The following SOX6 variants were observed in gnomAD, a reference collection of about 807,000 sequenced individuals.
The protein encoded by SOX6 is transcription factor SOX-6.
SOX6 carries 11 observed loss-of-function variants against 97.8 expected under a neutral mutation model. The observed-to-expected ratio is 0.11, with a 90% CI of 0.07 to 0.19. The LOEUF (loss-of-function observed/expected upper bound fraction) is 0.19. Among genes scored for constraint, SOX6 ranks in the 10% least tolerant of loss-of-function variants. The pLI, the probability that SOX6 is intolerant of heterozygous loss-of-function variation, is 1.00. For synonymous variants in SOX6, 360 were observed against 371.4 expected (o/e 0.97, Z 0.35); for missense variants, 810 against 1,039.5 (o/e 0.78, Z 3.04).
At chr11:16,168,794 T>C (rs1272245070) in intron 6 of SOX6, among the ~76,000 whole-genome samples, 4 of 152,310 alleles carry the variant, frequency 2.6e-5, no homozygotes, top group East Asian at 3.9e-4. Flanking sequence ...GTGGAAATTA[T>C]GGTTTTTTTG....
chr11:16,624,086 C>T (rs1427745271), intron 3 of SOX6, among the ~76,000 whole-genome samples: 1 of 152,122 alleles, frequency 6.6e-6, no homozygotes, highest in Non-Finnish European at 1.5e-5. Context: ...CATATAAATT[C>T]ATTATGTACT....
intron 12 of SOX6, among the ~76,000 whole-genome samples, chr11:16,042,165 A>G (rs1855687321): frequency 6.6e-6 from 1 of 152,172 alleles, no homozygotes; most frequent in Non-Finnish European, 1.5e-5. Flanking sequence ...ACACAGTTAG[A>G]AAATAGCACA....
At chr11:16,067,432 G>A (rs2935046) in intron 9 of SOX6, among the ~76,000 whole-genome samples, 19,240 of 151,854 alleles carry the variant, frequency 0.13, 2,664 homozygotes, top group East Asian at 0.37. Flanking sequence ...TATAAAGAGC[G>A]GTTCCCCTGC....
At chr11:16,002,663 A>C (rs1275163564) in intron 13 of SOX6, among the ~76,000 whole-genome samples, 1 of 152,192 alleles carries the variant, frequency 6.6e-6, no homozygotes, top group Non-Finnish European at 1.5e-5. Context: ...AAATAAGGCA[A>C]TAACAAGTTC....
chr11:16,711,616 C>T (rs1848181474), intron 3 of SOX6, among the ~76,000 whole-genome samples: 2 of 152,202 alleles, frequency 1.3e-5, no homozygotes, highest in Non-Finnish European at 2.9e-5. Context: ...TCTAAAAGCT[C>T]TGCCTATCTT....
At chr11:16,262,175 A>G (rs919784295) in intron 3 of SOX6, among the ~76,000 whole-genome samples, 1 of 152,076 alleles carries the variant, frequency 6.6e-6, no homozygotes, top group African/African-American at 2.4e-5. Flanking sequence ...TTATACATCT[A>G]TGAGTTTTGG....
chr11:16,160,707 A>G (rs1850725807), intron 6 of SOX6, among the ~76,000 whole-genome samples: 1 of 152,184 alleles, frequency 6.6e-6, no homozygotes, highest in Non-Finnish European at 1.5e-5. Context: ...ATTTTCTTAA[A>G]CTAGATTCTG....
In SOX6 at chr11:16,522,239, G is replaced by C. The variant is rs554823191; in HGVS notation, n.610-45851C>G. ...TAAGGGCAGCCACAGAGAAAGGTCG[G>C]GTTACCCACAAAGGGAAGCCCATCA... On this transcript the variant is annotated intron_variant and non_coding_transcript_variant, in intron 4 of 5. Transcript: ENST00000524520. Among the ~76,000 whole-genome samples the C allele has an allele frequency of 2.0e-5, 3 of 152,204 alleles. No individual in the cohort carries two copies. The East Asian group carries it at 5.8e-4, about 29-fold the overall frequency.
intron 7 of SOX6, among the ~76,000 whole-genome samples, chr11:16,111,393 TTTC>T (rs1849224793): frequency 6.6e-6 from 1 of 152,228 alleles, no homozygotes; most frequent in Non-Finnish European, 1.5e-5. Context: ...TTTAACTATC[TTTC>T]TAAGAGAAGT....
intron 2 of SOX6, among the ~76,000 whole-genome samples, chr11:16,320,951 T>TA (rs1855903430): frequency 6.6e-6 from 1 of 152,146 alleles, no homozygotes; most frequent in Admixed American, 6.6e-5. Flanking sequence ...ACCTTTCTTC[T>TA]AGATCCCTTC....
At chr11:16,000,473 T>C (rs1854371490) in intron 13 of SOX6, among the ~76,000 whole-genome samples, 1 of 152,224 alleles carries the variant, frequency 6.6e-6, no homozygotes, top group Admixed American at 6.5e-5. Context: ...GAGATAGTGA[T>C]TGTTGAATAT....
chr11:16,595,835 C>T (rs558416814), intron 4 of SOX6, among the ~76,000 whole-genome samples: 11 of 152,182 alleles, frequency 7.2e-5, no homozygotes, highest in African/African-American at 2.6e-4. Flanking sequence ...TTATCATCCC[C>T]ATTGGAAAGT....
intron 1 of SOX6, among the ~76,000 whole-genome samples, chr11:16,410,789 AAGT>A (rs996113716): frequency 1.9e-4 from 29 of 151,230 alleles, no homozygotes; most frequent in African/African-American, 7.0e-4. Context: ...AGATATGAAC[AAGT>A]ATGAACAAGG....
At chr11:16,549,132 A>G (rs1589981292) in intron 4 of SOX6, among the ~76,000 whole-genome samples, 1 of 152,308 alleles carries the variant, frequency 6.6e-6, no homozygotes, top group East Asian at 1.9e-4. Flanking sequence ...TTAAAACTTA[A>G]TGAGATACAG....
intron 12 of SOX6, among the ~76,000 whole-genome samples, chr11:16,019,494 G>A (rs1403815827): frequency 6.6e-6 from 1 of 151,980 alleles, no homozygotes; most frequent in Non-Finnish European, 1.5e-5. Context: ...ATTTTTATGT[G>A]TAAAATGCAT....
At chr11:16,514,026 C>A (rs1316081713) in intron 4 of SOX6, among the ~76,000 whole-genome samples, 1 of 151,972 alleles carries the variant, frequency 6.6e-6, no homozygotes, top group Non-Finnish European at 1.5e-5. Context: ...GCCTGGGCAA[C>A]AACAGTGAGA....
At chr11:16,054,505 G>A (rs1847767462) in intron 10 of SOX6, among the ~76,000 whole-genome samples, 1 of 151,990 alleles carries the variant, frequency 6.6e-6, no homozygotes, top group African/African-American at 2.4e-5. Flanking sequence ...AATTCCTTTG[G>A]CTGGAACATA....
At chr11:16,569,385 T>C (rs1341981630) in intron 4 of SOX6, among the ~76,000 whole-genome samples, 2 of 152,204 alleles carry the variant, frequency 1.3e-5, no homozygotes, top group African/African-American at 2.4e-5. Flanking sequence ...CACAAAATTA[T>C]CTTGTTTAAT....
intron 3 of SOX6, among the ~76,000 whole-genome samples, chr11:16,242,036 A>T (rs762450683): frequency 1.4e-4 from 22 of 152,020 alleles, no homozygotes; most frequent in Admixed American, 5.9e-4. Context: ...GAAAACCATA[A>T]CCAAAAGTGT....
Sources: allele counts gnomAD v4.1 joint callset (sites outside exome capture counted in the v4.1 genomes callset), GRCh38; gene constraint gnomAD v4.1.1; transcripts MANE v1.5; gene names NCBI Gene and HGNC (gene_info 2026-07-23, HGNC 2026-07-21).